AUTS2: variants seen among roughly 807,000 people sequenced by gnomAD.
AUTS2 encodes autism susceptibility gene 2 protein.
AUTS2 carries 17 observed loss-of-function variants against 112.4 expected under a neutral mutation model. The ratio of observed to expected loss-of-function variants is 0.15; its 90% CI spans 0.10 to 0.23. The LOEUF (loss-of-function observed/expected upper bound fraction) is 0.23, where lower values mean the gene tolerates loss of function less well. Among genes scored for constraint, AUTS2 ranks in the 10% least tolerant of loss-of-function variants. The pLI is 1.00. For synonymous variants in AUTS2, 751 were observed against 702.7 expected (o/e 1.07, Z -1.09); for missense variants, 1,510 against 1,701.6 (o/e 0.89, Z 1.98).
chr7:70,455,897 G>A (rs1337119512), intron 5 of AUTS2, among the ~76,000 whole-genome samples: 2 of 152,194 alleles, frequency 1.3e-5, no homozygotes, highest in Non-Finnish European at 2.9e-5. Flanking sequence ...GTTTTTAGGA[G>A]AAAACCATGA....
At chr7:70,282,160 T>G (rs911284276) in intron 4 of AUTS2, among the ~76,000 whole-genome samples, 20 of 152,190 alleles carry the variant, frequency 1.3e-4, no homozygotes, top group Non-Finnish European at 2.8e-4. Context: ...CAGAACATGT[T>G]TCCTATTAAA....
At position 70,299,847 on chromosome 7, in the gene AUTS2, T is replaced by C. The variant is rs543253711; in HGVS notation, c.661-135905T>C. ...TTTTCCTTTAAAAAAAAAAAAATCT[T>C]TCTGTTTGATAATAGGGATCAGCCA... On this transcript the variant is annotated intron_variant, in intron 4 of 18. Coordinates refer to ENST00000342771, the MANE Select transcript of AUTS2 (RefSeq NM_015570.4). Among the ~76,000 whole-genome samples the C allele has an allele frequency of 2.4e-4, 37 of 152,206 alleles. 1 individual carries two copies. In the South Asian group the frequency reaches 7.3e-3, roughly 30 times the overall value.
intron 1 of AUTS2, among the ~76,000 whole-genome samples, chr7:69,839,633 C>G (rs1453966613): frequency 6.6e-6 from 1 of 152,064 alleles, no homozygotes; most frequent in Non-Finnish European, 1.5e-5. Flanking sequence ...CCCAAGATCT[C>G]CCCCCATCCC....
intron 1 of AUTS2, among the ~76,000 whole-genome samples, chr7:69,647,075 G>C (rs1795057560): frequency 6.6e-6 from 1 of 152,166 alleles, no homozygotes; most frequent in African/African-American, 2.4e-5. Flanking sequence ...GCGATAGAGC[G>C]AGACTCTGTC....
intron 5 of AUTS2, among the ~76,000 whole-genome samples, chr7:70,627,832 G>C (rs899225047): frequency 8.5e-5 from 13 of 152,230 alleles, no homozygotes; most frequent in African/African-American, 3.1e-4. Flanking sequence ...TAATTTCTGT[G>C]CTGTGCAGTC....
chr7:69,748,125 T>C (rs907620567), intron 1 of AUTS2, among the ~76,000 whole-genome samples: 3 of 152,142 alleles, frequency 2.0e-5, no homozygotes, highest in African/African-American at 7.2e-5. Context: ...TGCTTCTCAT[T>C]AGGGTCTCAG....
At chr7:70,360,837 G>A (rs1792226836) in intron 4 of AUTS2, among the ~76,000 whole-genome samples, 1 of 152,138 alleles carries the variant, frequency 6.6e-6, no homozygotes, top group Non-Finnish European at 1.5e-5. Flanking sequence ...AGGCCTCTAA[G>A]CTGCTCTTTT....
At chr7:69,903,432 G>A (rs1216365912) in intron 2 of AUTS2, among the ~76,000 whole-genome samples, 2 of 152,156 alleles carry the variant, frequency 1.3e-5, no homozygotes, top group Non-Finnish European at 2.9e-5. Flanking sequence ...TTTAAAAATA[G>A]AGTACCAATG....
At chr7:70,029,501 G>A (rs919441731) in intron 2 of AUTS2, among the ~76,000 whole-genome samples, 4 of 151,830 alleles carry the variant, frequency 2.6e-5, no homozygotes, top group African/African-American at 9.7e-5. Context: ...TTGTTGAATT[G>A]GATTATATCC....
intron 2 of AUTS2, among the ~76,000 whole-genome samples, chr7:70,008,423 A>T: frequency 6.6e-6 from 1 of 151,366 alleles, no homozygotes. Context: ...TATATATTCC[A>T]CTCTTCTGTG....
chr7:69,679,080 A>C (rs1437698244), intron 1 of AUTS2, among the ~76,000 whole-genome samples: 2 of 152,246 alleles, frequency 1.3e-5, no homozygotes, highest in Non-Finnish European at 1.5e-5. Flanking sequence ...TTTTGTTTCC[A>C]GCCAACTATA....
At chr7:69,824,889 C>T (rs528361132) in intron 1 of AUTS2, among the ~76,000 whole-genome samples, 10 of 152,168 alleles carry the variant, frequency 6.6e-5, no homozygotes, top group South Asian at 2.1e-4. Context: ...TCGGAGATTG[C>T]GCAATAAGAC....
rs975743772 is a variant in AUTS2 at position 70,565,179 on chromosome 7, A to G, written c.690+129398A>G. Among the ~76,000 whole-genome samples, 2 of 152,220 alleles carry G rather than the reference A, an allele frequency of 1.3e-5. 1 individual carries two copies. Among genetic ancestry groups the G allele is most frequent in the South Asian group, 4.1e-4 (2 of 4,832 alleles). On this transcript the variant is annotated intron_variant, in intron 5 of 18. Transcript: ENST00000342771. ...TTATCTTGTAATTTTAAAAGTACAA[A>G]ATGCACATTTAAGATACATGTGCAT...
At chr7:70,113,407 A>G (rs1190975253) in intron 2 of AUTS2, among the ~76,000 whole-genome samples, 2 of 152,164 alleles carry the variant, frequency 1.3e-5, no homozygotes, top group East Asian at 1.9e-4. Flanking sequence ...TTTGGGGACA[A>G]TTTTATCTTG....
intron 6 of AUTS2, among the ~76,000 whole-genome samples, chr7:70,749,662 T>A (rs1788678042): frequency 6.6e-6 from 1 of 152,148 alleles, no homozygotes; most frequent in African/African-American, 2.4e-5. Flanking sequence ...TCAGGGAGAT[T>A]GCAGGGGGTT....
chr7:69,773,597 C>G (rs1410095008), intron 1 of AUTS2, among the ~76,000 whole-genome samples: 1 of 152,118 alleles, frequency 6.6e-6, no homozygotes, highest in Non-Finnish European at 1.5e-5. Flanking sequence ...AACCACACCC[C>G]ATATCACCAA....
At chr7:70,746,877 T>C (rs372383408) in intron 6 of AUTS2, among the ~76,000 whole-genome samples, 2 of 152,218 alleles carry the variant, frequency 1.3e-5, no homozygotes, top group African/African-American at 2.4e-5. Flanking sequence ...AAGAGCTCAC[T>C]CAGGGTGCTG....
intron 6 of AUTS2, among the ~76,000 whole-genome samples, chr7:70,711,194 T>A (rs1357792255): frequency 6.6e-6 from 1 of 152,176 alleles, no homozygotes. Flanking sequence ...CTCAGGGCCC[T>A]CCAGGTTGAG....
At chr7:70,162,445 CAAAAAAAAAAAAAAAAAA>C (rs57688959) in intron 4 of AUTS2, among the ~76,000 whole-genome samples, 14 of 56,694 alleles carry the variant, frequency 2.5e-4, no homozygotes, top group South Asian at 1.0e-3. Flanking sequence ...GACTCCGTCT[CAAAAAAAAAAAAAAAAAA>C]AAAAAAAAAA....
Sources: gnomAD v4.1 joint callset for allele counts (sites outside exome capture counted in the v4.1 genomes callset) on GRCh38, gnomAD v4.1.1 for gene constraint, MANE v1.5 for transcripts, NCBI Gene and HGNC (gene_info 2026-07-23, HGNC 2026-07-21) for gene names.